The following TNFRSF10B variants were observed in gnomAD, a reference collection of about 807,000 sequenced individuals.
The protein encoded by TNFRSF10B is tumor necrosis factor receptor superfamily member 10B.
Under a neutral mutation model 41.4 loss-of-function variants are expected in TNFRSF10B, and 35 were observed. The ratio of observed to expected loss-of-function variants is 0.85; its 90% CI spans 0.65 to 1.12. TNFRSF10B has a LOEUF of 1.12. Ranked by LOEUF, TNFRSF10B falls within the 50% of genes most tolerant of loss-of-function variation. The pLI is 0.00. For synonymous variants in TNFRSF10B, 230 were observed against 215.5 expected (o/e 1.07, Z -0.59); for missense variants, 584 against 552.7 (o/e 1.06, Z -0.57).
rs907559729 is a variant in TNFRSF10B, at chr8:23,020,907, G to A, written c.*1764C>T. On this transcript the variant is annotated 3_prime_UTR_variant, in exon 9 of 9. Coordinates refer to ENST00000276431, the MANE Select transcript of TNFRSF10B (RefSeq NM_003842.5). ...GCCTTCCAGAAGTGCAGGGGACAAC[G>A]CGTGGGATGCCAGATGGAAGTGGGA... The A allele has an allele frequency of 2.2e-5, 10 of 453,948 alleles. No homozygotes were observed. The highest frequency in any genetic ancestry group is 8.0e-5 in the African/African-American group (4 of 49,968). The allele number at this position is 453,948 out of a possible 1,614,324, so 28.1% of individuals were successfully genotyped here. A position where few individuals can be genotyped will look rare whatever the true frequency, so the allele number is the denominator to read the frequency against.
chr8:23,047,849 T>A (rs1480317784), intron 1 of TNFRSF10B, among the ~76,000 whole-genome samples: 1 of 152,226 alleles, frequency 6.6e-6, no homozygotes, highest in Non-Finnish European at 1.5e-5. Flanking sequence ...CAATCCCACT[T>A]CTGGGTATTT....
intron 2 of TNFRSF10B, among the ~76,000 whole-genome samples, chr8:23,033,261 G>C (rs1316217703): frequency 6.6e-6 from 1 of 152,150 alleles, no homozygotes; most frequent in Non-Finnish European, 1.5e-5. Context: ...AATGACATTA[G>C]ATAATAGCTC....
intron 2 of TNFRSF10B, 102 bp downstream of exon 2, chr8:23,043,036 T>C (rs1371722232): frequency 7.1e-6 from 8 of 1,127,144 alleles, no homozygotes; most frequent in Non-Finnish European, 9.1e-6. Context: ...ACCCAATGCC[T>C]CTCTGTGGAA....
chr8:23,053,865 G>A (rs534418568), intron 1 of TNFRSF10B, among the ~76,000 whole-genome samples: 2 of 152,280 alleles, frequency 1.3e-5, no homozygotes, highest in Admixed American at 1.3e-4. Flanking sequence ...GGCTGTATGT[G>A]CATAAATATA....
chr8:23,065,074 A>G (rs1812943915), intron 1 of TNFRSF10B, among the ~76,000 whole-genome samples: 1 of 152,114 alleles, frequency 6.6e-6, no homozygotes, highest in South Asian at 2.1e-4. Flanking sequence ...GCTTCCTGAT[A>G]GTTATTTAGG....
chr8:23,057,408 T>TAATA (rs778733335), intron 1 of TNFRSF10B, among the ~76,000 whole-genome samples: 7 of 149,298 alleles, frequency 4.7e-5, no homozygotes, highest in Non-Finnish European at 1.0e-4. Context: ...CAGTGTATTA[T>TAATA]AATTTCCTCT....
At chr8:23,034,722 C>A (rs1000425919) in intron 2 of TNFRSF10B, among the ~76,000 whole-genome samples, 4 of 152,154 alleles carry the variant, frequency 2.6e-5, no homozygotes, top group Non-Finnish European at 5.9e-5. Flanking sequence ...TGATACCCTG[C>A]CTGTAAAGCA....
chr8:23,045,696 C>T (rs556543657), intron 1 of TNFRSF10B, among the ~76,000 whole-genome samples: 225 of 152,224 alleles, frequency 1.5e-3, no homozygotes, highest in African/African-American at 5.2e-3. Context: ...CAATAAAATA[C>T]CAGTAGACCA....
At chr8:23,040,075 G>A (rs1202439538) in intron 2 of TNFRSF10B, among the ~76,000 whole-genome samples, 1 of 151,556 alleles carries the variant, frequency 6.6e-6, no homozygotes, top group Admixed American at 6.6e-5. Flanking sequence ...CCTGTACTCA[G>A]GAGGCTGAGG....
intron 1 of TNFRSF10B, chr8:23,068,393 GAAAGAGAA>G (rs994729115): frequency 4.9e-5 from 17 of 348,110 alleles, no homozygotes; most frequent in African/African-American, 8.7e-5. Context: ...AAGAAAGGAA[GAAAGAGAA>G]AAAGAGAAAG....
chr8:23,043,552 G>C (rs947219998), intron 1 of TNFRSF10B, among the ~76,000 whole-genome samples: 2 of 152,170 alleles, frequency 1.3e-5, no homozygotes, highest in Admixed American at 1.3e-4. Context: ...TTAATATTTT[G>C]TCTCATTTAG....
In TNFRSF10B at chr8:23,024,170, C is replaced by T; in HGVS notation, c.1009+18G>A. 1.2e-6 allele frequency: 2 copies of T among 1,614,070 alleles called. No individual in the cohort carries two copies. The highest frequency in any genetic ancestry group is 8.5e-7 in the Non-Finnish European group (1 of 1,179,960). On this transcript the variant is annotated intron_variant, in intron 8 of 8. Coordinates refer to ENST00000276431, the MANE Select transcript of TNFRSF10B (RefSeq NM_003842.5). ...ATTCCCTCCATTCCTGCTGCATCTC[C>T]AGGAGCAAAACACTTACTCTCAGTG... is the stretch of plus-strand genomic sequence containing the variant.
chr8:23,034,675 ATGATTG>A (rs1212491700), intron 2 of TNFRSF10B, among the ~76,000 whole-genome samples: 1 of 152,208 alleles, frequency 6.6e-6, no homozygotes, highest in East Asian at 1.9e-4. Context: ...GCAGTGTGCT[ATGATTG>A]TGCCACTGCA....
At chr8:23,025,833 T>C (rs1811685944) in intron 7 of TNFRSF10B, among the ~76,000 whole-genome samples, 1 of 152,228 alleles carries the variant, frequency 6.6e-6, no homozygotes, top group South Asian at 2.1e-4. Flanking sequence ...CCCAGCATTT[T>C]GGGAGGCCAA....
intron 2 of TNFRSF10B, among the ~76,000 whole-genome samples, chr8:23,041,779 C>T (rs537762698): frequency 6.6e-6 from 1 of 152,194 alleles, no homozygotes; most frequent in African/African-American, 2.4e-5. Flanking sequence ...ATGGCCTGCT[C>T]CCTGTGGCTG....
chr8:23,031,847 T>C (rs1231015259), intron 2 of TNFRSF10B, among the ~76,000 whole-genome samples: 2 of 152,190 alleles, frequency 1.3e-5, no homozygotes, highest in African/African-American at 2.4e-5. Flanking sequence ...ACAGCATTTT[T>C]TTCACAGTAC....
At chr8:23,056,528 G>A (rs764976356) in intron 1 of TNFRSF10B, among the ~76,000 whole-genome samples, 2 of 151,990 alleles carry the variant, frequency 1.3e-5, no homozygotes, top group Non-Finnish European at 2.9e-5. Context: ...GGGCATGCCT[G>A]TAATCCCAGC....
chr8:23,034,895 C>T (rs529163347), intron 2 of TNFRSF10B, among the ~76,000 whole-genome samples: 20 of 152,314 alleles, frequency 1.3e-4, no homozygotes, highest in African/African-American at 1.9e-4. Context: ...GATTATCATA[C>T]GCTTAACCAG....
intron 1 of TNFRSF10B, 76 bp downstream of exon 1, chr8:23,068,675 G>A (rs1813074380): frequency 2.6e-6 from 4 of 1,521,952 alleles, no homozygotes; most frequent in East Asian, 4.9e-5. Context: ...CACCCCCGCC[G>A]TGTCCCCCTC....
Sources: allele counts gnomAD v4.1 joint callset (sites outside exome capture counted in the v4.1 genomes callset), GRCh38; gene constraint gnomAD v4.1.1; transcripts MANE v1.5; gene names NCBI Gene and HGNC (gene_info 2026-07-23, HGNC 2026-07-21).